STK3: variants seen among roughly 807,000 people sequenced by gnomAD.
STK3 encodes the protein serine/threonine kinase 3, also known as serine/threonine-protein kinase 3.
Under a neutral mutation model 58.0 loss-of-function variants are expected in STK3, and 41 were observed. That is an observed-to-expected ratio of 0.71 (90% CI 0.55 to 0.92). The LOEUF is 0.92. STK3 is among the 40% of genes least tolerant of loss of function. The pLI is 0.00. For synonymous variants in STK3, 170 were observed against 191.0 expected (o/e 0.89, Z 0.91); for missense variants, 479 against 602.7 (o/e 0.79, Z 2.15).
intron 9 of STK3, 66 bp from the exon 10 acceptor site, chr8:98,526,983 G>A: frequency 7.7e-7 from 1 of 1,305,710 alleles, no homozygotes; most frequent in Non-Finnish European, 1.0e-6. Context: ...TTTCTTTGAA[G>A]TATGATTTTT....
chr8:98,656,610 C>A (rs1401208372), intron 6 of STK3, among the ~76,000 whole-genome samples: 2 of 151,848 alleles, frequency 1.3e-5, no homozygotes, highest in Non-Finnish European at 2.9e-5. Context: ...TTTGATACAC[C>A]CTACTTGATA....
At chr8:98,489,744 T>C (rs1354903910) in intron 10 of STK3, among the ~76,000 whole-genome samples, 2 of 152,176 alleles carry the variant, frequency 1.3e-5, no homozygotes, top group Admixed American at 6.5e-5. Flanking sequence ...TATTCTGATA[T>C]CTTGAATTAG....
chr8:98,826,159 A>G (rs1460022504), upstream of STK3, among the ~76,000 whole-genome samples: 2 of 152,142 alleles, frequency 1.3e-5, no homozygotes, highest in African/African-American at 4.8e-5. Flanking sequence ...TGCCCTCACT[A>G]CGGTTTGCCC....
chr8:98,684,740 C>A (rs565905891), intron 6 of STK3, among the ~76,000 whole-genome samples: 2 of 152,138 alleles, frequency 1.3e-5, no homozygotes, highest in Non-Finnish European at 2.9e-5. Flanking sequence ...TAGAAGCATT[C>A]GGACTTTGTT....
At chr8:98,695,107 G>C (rs542421470) in intron 6 of STK3, among the ~76,000 whole-genome samples, 15 of 152,202 alleles carry the variant, frequency 9.9e-5, no homozygotes, top group Non-Finnish European at 1.5e-5. Flanking sequence ...GCCAGTGATG[G>C]TGAGCATTTT....
At chr8:98,368,518 C>A (rs567450483), downstream of STK3, among the ~76,000 whole-genome samples, 2 of 152,190 alleles carry the variant, frequency 1.3e-5, no homozygotes, top group African/African-American at 4.8e-5. Flanking sequence ...CAGGTTCCCA[C>A]ACAAACCCCT....
At chr8:98,547,894 CA>C (rs1810840631) in intron 9 of STK3, 74 bp downstream of exon 9, 3 of 1,287,040 alleles carry the variant, frequency 2.3e-6, no homozygotes, top group Non-Finnish European at 3.0e-6. Context: ...AAAAGTAACA[CA>C]GAACTAGCCT....
chr8:98,774,624 C>A, intron 2 of STK3, 115 bp downstream of exon 2: 1 of 658,768 alleles, frequency 1.5e-6, no homozygotes, highest in Non-Finnish European at 2.4e-6. Flanking sequence ...AGTTTAATTA[C>A]TATTAAATAC....
upstream of STK3, among the ~76,000 whole-genome samples, chr8:98,392,191 C>T (rs773271683): frequency 6.6e-6 from 1 of 152,154 alleles, no homozygotes; most frequent in Non-Finnish European, 1.5e-5. Flanking sequence ...CTGTGATAGT[C>T]GTTTGGGGAC....
At chr8:98,363,705 G>T in the STK3 span, among the ~76,000 whole-genome samples, 3 of 152,202 alleles carry the variant, frequency 2.0e-5, no homozygotes, top group Non-Finnish European at 4.4e-5. Context: ...AGGCCCCAAG[G>T]GGGGCTGAGT....
intron 3 of STK3, among the ~76,000 whole-genome samples, chr8:98,838,470 T>C (rs1195004713): frequency 1.3e-5 from 2 of 152,134 alleles, no homozygotes; most frequent in East Asian, 3.9e-4. Context: ...GATAAATGTG[T>C]ACTGGTGGCA....
chr8:98,718,565 G>A (rs1827188352), intron 4 of STK3, among the ~76,000 whole-genome samples: 1 of 152,032 alleles, frequency 6.6e-6, no homozygotes, highest in African/African-American at 2.4e-5. Flanking sequence ...TTTGAAACGT[G>A]GGTATTCTAA....
intron 6 of STK3, among the ~76,000 whole-genome samples, chr8:98,641,001 T>A (rs553554736): frequency 1.3e-5 from 2 of 151,276 alleles, no homozygotes; most frequent in South Asian, 4.2e-4. Flanking sequence ...ATTTATATAG[T>A]ATAAAAATAT....
intron 1 of STK3, among the ~76,000 whole-genome samples, chr8:98,387,693 A>C (rs1052666529): frequency 1.3e-5 from 2 of 152,164 alleles, no homozygotes; most frequent in Admixed American, 6.5e-5. Context: ...GGTTGTGGAG[A>C]TTGTGCCATT....
At chr8:98,445,159 T>A (rs1210995867) in intron 1 of STK3, among the ~76,000 whole-genome samples, 2 of 152,212 alleles carry the variant, frequency 1.3e-5, no homozygotes, top group Non-Finnish European at 2.9e-5. Context: ...CATCACATAA[T>A]CAATTTTAGA....
chr8:98,410,503 T>C (rs1818042636), intron 3 of STK3, among the ~76,000 whole-genome samples: 1 of 152,190 alleles, frequency 6.6e-6, no homozygotes. Context: ...TGGGATAAAA[T>C]ACATTTCAGC....
chr8:98,891,076 T>C (rs1247149143), intron 1 of STK3, among the ~76,000 whole-genome samples: 4 of 152,206 alleles, frequency 2.6e-5, no homozygotes, highest in Non-Finnish European at 2.9e-5. Context: ...AAGTGGAAAA[T>C]CTGGCCTCCT....
At chr8:98,571,841 T>C (rs983775259) in intron 8 of STK3, among the ~76,000 whole-genome samples, 3 of 152,198 alleles carry the variant, frequency 2.0e-5, no homozygotes, top group Admixed American at 1.3e-4. Context: ...TCTACATCCA[T>C]TTAACTCCTT....
chr8:98,547,662 T>A (rs1810813633), intron 9 of STK3, among the ~76,000 whole-genome samples: 1 of 152,202 alleles, frequency 6.6e-6, no homozygotes, highest in Non-Finnish European at 1.5e-5. Context: ...CTTTTTTAAT[T>A]GGGAAAGTAA....
Sources: allele counts gnomAD v4.1 joint callset (sites outside exome capture counted in the v4.1 genomes callset), GRCh38; gene constraint gnomAD v4.1.1; transcripts MANE v1.5; gene names NCBI Gene and HGNC (gene_info 2026-07-23, HGNC 2026-07-21).